The following CCDC88A variants were observed in gnomAD, a reference collection of about 807,000 sequenced individuals.
The protein encoded by CCDC88A is coiled-coil and HOOK domain protein 88A.
CCDC88A carries 54 observed loss-of-function variants against 234.3 expected under a neutral mutation model. The ratio of observed to expected loss-of-function variants is 0.23; its 90% CI spans 0.19 to 0.29. The LOEUF (loss-of-function observed/expected upper bound fraction) is 0.29. Ranked by LOEUF, CCDC88A falls within the 10% of genes least tolerant of loss-of-function variation. CCDC88A has a pLI of 1.00. For synonymous variants in CCDC88A, 753 were observed against 737.8 expected (o/e 1.02, Z -0.33); for missense variants, 1,832 against 2,123.4 (o/e 0.86, Z 2.70).
chr2:55,299,787 T>A (rs1680657875), intron 29 of CCDC88A, 52 bp downstream of exon 29: 1 of 1,248,788 alleles, frequency 8.0e-7, no homozygotes, highest in Non-Finnish European at 1.2e-6. Flanking sequence ...ATCTCCCACC[T>A]TTAAATACTG....
At position 55,296,380 on chromosome 2, in the gene CCDC88A, G is replaced by T. The variant is rs1201768611; in HGVS notation, c.4969C>A (p.Gln1657Lys). The T allele has an allele frequency of 6.2e-7, 1 of 1,614,170 alleles. No individual in the cohort carries two copies. Among genetic ancestry groups the T allele is most frequent in the Admixed American group, 1.7e-5 (1 of 60,020 alleles). ...KRQTRSSPVLQHKISETLESR... is the reference protein window; with the variant it reads ...KRQTRSSPVLKHKISETLESR... The stretch of plus-strand genomic sequence containing the variant: ...TCCAGTGTTTCAGATATTTTGTGCT[G>T]GAGCACTGGGCTTGATCTGGTCTGT... Residue 1657 changes from glutamine to lysine, a missense_variant, in exon 30 of 33, where the codon CAG becomes AAG. Physicochemically the swap from Gln to Lys is moderately conservative, Grantham distance 53 (BLOSUM62 1). Transcript: ENST00000436346.
intron 2 of CCDC88A, chr2:55,403,734 T>C (rs1328694471): frequency 6.6e-6 from 1 of 152,230 alleles, no homozygotes; most frequent in Non-Finnish European, 1.5e-5. Flanking sequence ...GTTCTTGGTA[T>C]AGAGACCTGG....
intron 3 of CCDC88A, among the ~76,000 whole-genome samples, chr2:55,384,630 T>TACATATATAC (rs1378861686): frequency 3.4e-5 from 1 of 29,106 alleles, no homozygotes; most frequent in African/African-American, 2.7e-4. Context: ...CGTATATATA[T>TACATATATAC]GTATATATGT....
At position 55,334,841 on chromosome 2, in the gene CCDC88A, G is replaced by A. The variant is rs199561933; in HGVS notation, c.1980C>T (p.Ala660=). The A allele has an allele frequency of 3.7e-5, 57 of 1,547,644 alleles. No homozygotes were observed. The East Asian group carries it at 1.3e-3, about 35-fold the overall frequency. The part of the protein sequence containing the change: ...NLKITCEKIE[A]LEQENSELER... ...CTAGCTCTGAATTTTCTTGTTCTAA[G>A]GCCTCAATTTTTTCACAAGTAATTT... The change falls in exon 15 of 33, where the codon GCC becomes GCT. Residue 660 remains alanine (A), a synonymous_variant. Transcript: ENST00000436346. This position sits in a 1 kb window ranked among gnomAD's most constrained non-coding sequence, Gnocchi z 6.1.
chr2:55,391,612 A>G (rs1302083338), intron 2 of CCDC88A, among the ~76,000 whole-genome samples: 1 of 152,238 alleles, frequency 6.6e-6, no homozygotes, highest in Admixed American at 6.5e-5. Flanking sequence ...GCTGCAAAAT[A>G]CAACTATTTG....
intron 16 of CCDC88A, chr2:55,331,700 A>G (rs144886501): frequency 1.3e-5 from 2 of 152,196 alleles, no homozygotes; most frequent in Non-Finnish European, 2.9e-5. Context: ...AATTACCATG[A>G]GAGAATACAT....
chr2:55,311,480 C>A (rs1026556721), intron 23 of CCDC88A, among the ~76,000 whole-genome samples: 1 of 152,178 alleles, frequency 6.6e-6, no homozygotes, highest in Non-Finnish European at 1.5e-5. Context: ...CTGAGAGGCA[C>A]AGACATACTA....
At chr2:55,340,980 G>A (rs1668397299) in intron 12 of CCDC88A, among the ~76,000 whole-genome samples, 2 of 151,758 alleles carry the variant, frequency 1.3e-5, no homozygotes, top group African/African-American at 2.4e-5. Flanking sequence ...CTCAGCCTCT[G>A]GTAACAACCA....
At chr2:55,306,103 G>A (rs970964351) in intron 25 of CCDC88A, 2 of 152,072 alleles carry the variant, frequency 1.3e-5, no homozygotes, top group African/African-American at 2.4e-5. Flanking sequence ...TTTTAGTAGA[G>A]ACAGGGTTTC....
At chr2:55,374,299 T>C (rs774060498) in intron 4 of CCDC88A, among the ~76,000 whole-genome samples, 17 of 152,116 alleles carry the variant, frequency 1.1e-4, no homozygotes, top group East Asian at 1.9e-4. Context: ...ACCCAGGAGG[T>C]TGAGGTTGCA....
chr2:55,411,543 C>T (rs2104986377), intron 2 of CCDC88A, among the ~76,000 whole-genome samples: 1 of 151,756 alleles, frequency 6.6e-6, no homozygotes, highest in Non-Finnish European at 1.5e-5. Context: ...TTTTGGGAGG[C>T]TCAGGTGGAC....
At chr2:55,390,302 C>T (rs186081688) in intron 2 of CCDC88A, among the ~76,000 whole-genome samples, 7 of 152,108 alleles carry the variant, frequency 4.6e-5, no homozygotes, top group Non-Finnish European at 1.0e-4. Context: ...CACCCTCACA[C>T]GTAGTTAGAA....
intron 3 of CCDC88A, among the ~76,000 whole-genome samples, chr2:55,380,060 C>CCAA (rs1674336807): frequency 5.1e-5 from 1 of 19,672 alleles, no homozygotes; most frequent in Admixed American, 1.1e-3. Context: ...CCTGTCTCTA[C>CCAA]TAAAAAAAAA....
In CCDC88A at chr2:55,334,079, G is replaced by A. The variant is rs961564282; in HGVS notation, c.2727+15C>T. 1.2e-5 allele frequency: 14 copies of A among 1,149,226 alleles called. No individual in the cohort carries two copies. The highest frequency in any genetic ancestry group is 1.6e-5 in the African/African-American group (1 of 62,900). 71.2% of individuals were successfully genotyped at this position (1,149,226 alleles called of 1,614,324 possible). Reference sequence around the variant, plus strand: ...ATAAAAAAAAATTTGCCTTAATTTAGGTAAACATATTTACCTCACGTAGTG... The same window carrying A: ...ATAAAAAAAAATTTGCCTTAATTTAAGTAAACATATTTACCTCACGTAGTG... On this transcript the variant is annotated intron_variant, in intron 15 of 32. Transcript: ENST00000436346. The surrounding 1 kb of genome is among the most constrained non-coding windows in gnomAD (Gnocchi z 6.1).
At chr2:55,336,293 T>G (rs911011148) in intron 14 of CCDC88A, among the ~76,000 whole-genome samples, 1 of 152,072 alleles carries the variant, frequency 6.6e-6, no homozygotes, top group African/African-American at 2.4e-5. Flanking sequence ...GAAAACAAAT[T>G]TGGTAATATC....
intron 4 of CCDC88A, among the ~76,000 whole-genome samples, chr2:55,373,622 C>T (rs1673165954): frequency 6.6e-6 from 1 of 152,172 alleles, no homozygotes; most frequent in Non-Finnish European, 1.5e-5. Flanking sequence ...CCATTTATTT[C>T]CACTCCTGGT....
chr2:55,327,857 A>C (rs182147320), intron 17 of CCDC88A, among the ~76,000 whole-genome samples: 1 of 152,256 alleles, frequency 6.6e-6, no homozygotes, highest in Non-Finnish European at 1.5e-5. Flanking sequence ...AAAAGACATC[A>C]AATTTATGAG....
At chr2:55,393,633 C>T (rs1314766630) in intron 2 of CCDC88A, among the ~76,000 whole-genome samples, 1 of 151,892 alleles carries the variant, frequency 6.6e-6, no homozygotes, top group African/African-American at 2.4e-5. Context: ...TCTAATTAAC[C>T]ACCTTTCAAA....
At chr2:55,374,263 G>A (rs2104828278) in intron 4 of CCDC88A, among the ~76,000 whole-genome samples, 1 of 152,212 alleles carries the variant, frequency 6.6e-6, no homozygotes, top group Admixed American at 6.5e-5. Flanking sequence ...AGCTACTTGG[G>A]AGGCTGAGGC....
Sources: allele counts gnomAD v4.1 joint callset (sites outside exome capture counted in the v4.1 genomes callset), GRCh38; gene constraint gnomAD v4.1.1; non-coding constraint Gnocchi (gnomAD v3.1); transcripts MANE v1.5; gene names NCBI Gene and HGNC (gene_info 2026-07-23, HGNC 2026-07-21).